LIMS2: variants seen among roughly 807,000 people sequenced by gnomAD.
LIMS2 encodes LIM and senescent cell antigen-like-containing domain protein 2.
A neutral mutation model predicts 45.3 loss-of-function variants in LIMS2; 30 were observed. The ratio of observed to expected loss-of-function variants is 0.66; its 90% CI spans 0.50 to 0.90. LIMS2 has a LOEUF of 0.90. LIMS2 is among the 40% of genes least tolerant of loss of function. The probability of loss-of-function intolerance (pLI) is 0.00; values close to 1 mark genes in which losing one functional copy is unlikely to be tolerated. For missense variants in LIMS2, 485 were observed against 468.7 expected (o/e 1.03, Z -0.32); for synonymous variants, 173 against 188.0 (o/e 0.92, Z 0.65).
In LIMS2 at chr2:127,642,888, G is replaced by A. The variant is rs200733696; in HGVS notation, c.509+35C>T. 152 of 1,544,782 alleles carry A rather than the reference G, an allele frequency of 9.8e-5. No homozygotes were observed. The East Asian group carries it at 1.4e-3, about 15-fold the overall frequency. On this transcript the variant is annotated intron_variant, in intron 5 of 9. Coordinates refer to ENST00000355119, the MANE Select transcript of LIMS2 (RefSeq NM_001161403.3). The surrounding 1 kb of genome is among the most constrained non-coding windows in gnomAD (Gnocchi z 5.3). Reference sequence around the variant, plus strand: ...TACCCTGGGCCAGCCCTGGCTCCCCGCCCCCACAACTGCAGGGCCGGGCTG... The same window carrying A: ...TACCCTGGGCCAGCCCTGGCTCCCCACCCCCACAACTGCAGGGCCGGGCTG...
intron 4 of LIMS2, chr2:127,652,789 G>A (rs1453637521): frequency 6.6e-6 from 1 of 152,250 alleles, no homozygotes; most frequent in Admixed American, 6.5e-5. Flanking sequence ...CAGATTCTGA[G>A]GTTCTGCACT....
At chr2:127,661,339 CACCAG>C (rs1027012557) in intron 1 of LIMS2, among the ~76,000 whole-genome samples, 4 of 152,240 alleles carry the variant, frequency 2.6e-5, no homozygotes, top group Admixed American at 6.5e-5. Context: ...CAGCACAGAG[CACCAG>C]GCCAGGCAGG....
chr2:127,656,979 C>T (rs1284563107), intron 2 of LIMS2, among the ~76,000 whole-genome samples: 1 of 152,220 alleles, frequency 6.6e-6, no homozygotes, highest in Non-Finnish European at 1.5e-5. Context: ...CCCAGTATGT[C>T]TCCCTCCCCT....
At chr2:127,643,364 G>GAGA (rs1163711937) in intron 4 of LIMS2, 161 of 517,576 alleles carry the variant, frequency 3.1e-4, no homozygotes, top group African/African-American at 2.8e-3. Flanking sequence ...GCATGCTGCA[G>GAGA]AATACAGTAG....
At position 127,642,888 on chromosome 2, in the gene LIMS2, G is replaced by GC. The variant is rs765864758; in HGVS notation, c.509+34dup. The GC allele has an allele frequency of 1.3e-6, 2 of 1,544,782 alleles. No homozygotes were observed. Among genetic ancestry groups the GC allele is most frequent in the Non-Finnish European group, 1.8e-6 (2 of 1,142,528 alleles). On this transcript the variant is annotated intron_variant, in intron 5 of 9. Transcript: ENST00000355119. The surrounding 1 kb of genome is among the most constrained non-coding windows in gnomAD (Gnocchi z 5.3). ...TACCCTGGGCCAGCCCTGGCTCCCC[G>GC]CCCCCACAACTGCAGGGCCGGGCTG...
intron 4 of LIMS2, among the ~76,000 whole-genome samples, chr2:127,644,779 G>C (rs976608979): frequency 2.0e-5 from 3 of 152,236 alleles, no homozygotes; most frequent in African/African-American, 7.2e-5. Flanking sequence ...GCTCAGGGTG[G>C]TTAGCTTCAA....
At chr2:127,656,567 C>A (rs1230106994) in intron 2 of LIMS2, among the ~76,000 whole-genome samples, 1 of 152,256 alleles carries the variant, frequency 6.6e-6, no homozygotes, top group East Asian at 1.9e-4. Flanking sequence ...GCACCTGCCA[C>A]CATGCCAGGC....
chr2:127,648,997 GGAGGGGAGGA>G (rs1683337734), intron 4 of LIMS2, among the ~76,000 whole-genome samples: 1 of 28,112 alleles, frequency 3.6e-5, no homozygotes, highest in Non-Finnish European at 7.3e-5. Context: ...GGGAGGGAGG[GGAGGGGAGGA>G]AGGGGAGGGA....
At chr2:127,660,710 G>A (rs531444665) in intron 1 of LIMS2, among the ~76,000 whole-genome samples, 39 of 152,292 alleles carry the variant, frequency 2.6e-4, no homozygotes, top group South Asian at 1.0e-3. Flanking sequence ...TGAAGTCAGC[G>A]AGACCAAGAA....
In LIMS2 at chr2:127,667,454, T is replaced by A. The variant is rs888363006; in HGVS notation, c.11+7560A>T. ...GTCACATAGATGCAAATGTCCTCGA[T>A]AAAATACAATAAATCTAACACTCTA... On this transcript the variant is annotated intron_variant, in intron 1 of 9. Transcript: ENST00000355119. The surrounding 1 kb of genome is among the most constrained non-coding windows in gnomAD (Gnocchi z 4.1). Among the ~76,000 whole-genome samples the A allele has an allele frequency of 1.3e-5, 2 of 152,186 alleles. No homozygotes were observed. The highest frequency in any genetic ancestry group is 2.4e-5 in the African/African-American group (1 of 41,440).
At chr2:127,674,719 C>A (rs1419407231) in intron 1 of LIMS2, 4 of 985,348 alleles carry the variant, frequency 4.1e-6, no homozygotes, top group Admixed American at 6.1e-5. Context: ...TTGGACAAGA[C>A]CCCCTCCCGC....
At chr2:127,661,846 GAGTC>G (rs1041286271) in intron 1 of LIMS2, among the ~76,000 whole-genome samples, 9 of 152,316 alleles carry the variant, frequency 5.9e-5, no homozygotes, top group African/African-American at 1.9e-4. Flanking sequence ...AGCACAGAGA[GAGTC>G]AGTAACCAGC....
At position 127,648,258 on chromosome 2, in the gene LIMS2, C is replaced by T. The variant is rs917120015; in HGVS notation, c.360-5186G>A. On this transcript the variant is annotated intron_variant, in intron 4 of 9. Transcript: ENST00000355119. ...TGTTAGAACTTCAGGCATCTTGAAA[C>T]ACTCTGAAGCCGGGGGCAATCTTTT... 27 of 935,938 alleles carry T rather than the reference C, an allele frequency of 2.9e-5. No homozygotes were observed. In the African/African-American group the frequency reaches 4.3e-4, roughly 15 times the overall value. 58.0% of individuals were successfully genotyped at this position (935,938 alleles called of 1,614,324 possible).
rs1311386886 is a variant in LIMS2 at position 127,671,221 on chromosome 2, G to A, written c.11+3793C>T. 1.3e-5 allele frequency among the ~76,000 whole-genome samples: 2 copies of A among 152,114 alleles called. No homozygotes were observed. Among genetic ancestry groups the A allele is most frequent in the East Asian group, 3.9e-4 (2 of 5,194 alleles). ...CCAAGGTGGGTGGATCAAGAGGTCA[G>A]AAGATCAAGACCACCATGGCCAACA... On this transcript the variant is annotated intron_variant, in intron 1 of 9. Transcript: ENST00000355119. The surrounding 1 kb of genome is among the most constrained non-coding windows in gnomAD (Gnocchi z 4.1).
At chr2:127,651,063 CT>C in intron 4 of LIMS2, 1 of 1,613,790 alleles carries the variant, frequency 6.2e-7, no homozygotes, top group Non-Finnish European at 8.5e-7. Context: ...CACCGGCTTC[CT>C]CTTCTACCTC....
intron 1 of LIMS2, among the ~76,000 whole-genome samples, chr2:127,661,329 C>T (rs972717506): frequency 6.6e-6 from 1 of 152,234 alleles, no homozygotes; most frequent in African/African-American, 2.4e-5. Context: ...CCCACGTGTC[C>T]AGCACAGAGC....
intron 4 of LIMS2, chr2:127,645,821 G>T (rs899402270): frequency 6.6e-6 from 1 of 152,172 alleles, no homozygotes; most frequent in Admixed American, 6.5e-5. Flanking sequence ...CATGACAGCC[G>T]GCCCCTCCCT....
chr2:127,656,701 C>T (rs1425696754), intron 2 of LIMS2, among the ~76,000 whole-genome samples: 3 of 152,178 alleles, frequency 2.0e-5, no homozygotes, highest in African/African-American at 4.8e-5. Context: ...AGGCGTGAGC[C>T]GCCGCGCCCG....
chr2:127,669,780 C>G (rs1415611070), intron 1 of LIMS2, among the ~76,000 whole-genome samples: 1 of 151,944 alleles, frequency 6.6e-6, no homozygotes, highest in African/African-American at 2.4e-5. Context: ...AAATAAGGAA[C>G]TCTTACAATT....
Sources: gnomAD v4.1 joint callset for allele counts (sites outside exome capture counted in the v4.1 genomes callset) on GRCh38, gnomAD v4.1.1 for gene constraint, Gnocchi (gnomAD v3.1) non-coding constraint, MANE v1.5 for transcripts, NCBI Gene and HGNC (gene_info 2026-07-23, HGNC 2026-07-21) for gene names.